MINDY4: variants seen among roughly 807,000 people sequenced by gnomAD.
MINDY4 encodes the protein MINDY lysine 48 deubiquitinase 4.
Under a neutral mutation model 87.0 loss-of-function variants are expected in MINDY4, and 68 were observed. That is an observed-to-expected ratio of 0.78 (90% CI 0.64 to 0.96). MINDY4 has a LOEUF of 0.96. Ranked by LOEUF, MINDY4 falls within the 40% of genes least tolerant of loss-of-function variation. The pLI is 0.00. For synonymous variants in MINDY4, 379 were observed against 363.2 expected (o/e 1.04, Z -0.50); for missense variants, 919 against 928.2 (o/e 0.99, Z 0.13).
In MINDY4 at chr7:30,882,317, A is replaced by G. The variant is rs563787573; in HGVS notation, c.2108A>G (p.Tyr703Cys). 1.1e-5 allele frequency: 18 copies of G among 1,611,148 alleles called. No individual in the cohort carries two copies. Among genetic ancestry groups the G allele is most frequent in the Non-Finnish European group, 1.4e-5 (17 of 1,177,690 alleles). The change falls in exon 16 of 18, where the codon TAC becomes TGC. Residue 703 changes from tyrosine (Y) to cysteine (C), a missense_variant. Transcript: ENST00000265299. Reference protein sequence around the residue: ...RTERLFDLYYYDGLANQQEQI... With the variant: ...RTERLFDLYYCDGLANQQEQI... ...GAGAGGCTCTTTGACTTGTACTACT[A>G]CGATGGCCTGGCCAACCAGCAGGAG...
At chr7:30,870,993 C>T (rs1220459603) in intron 13 of MINDY4, among the ~76,000 whole-genome samples, 1 of 151,180 alleles carries the variant, frequency 6.6e-6, no homozygotes, top group Non-Finnish European at 1.5e-5. Flanking sequence ...GTGTGCCCCC[C>T]AGGGTCCAGT....
In MINDY4 at chr7:30,836,710, A is replaced by G. The variant is rs760664202; in HGVS notation, c.1185A>G (p.Pro395=). ...AAGAGGTCATCCTGTCGCCAGTCCC[A>G]TCAGTGCTCAAGTTGCAGACAGCAT... ...IREEVILSPV[P]SVLKLQTASK... is the part of the protein sequence containing the mutation. The change falls in exon 7 of 18, where the codon CCA becomes CCG. Residue 395 remains proline (P), a synonymous_variant. Transcript: ENST00000265299. 2.3e-5 allele frequency: 37 copies of G among 1,614,082 alleles called. No individual in the cohort carries two copies. In the African/African-American group the frequency reaches 3.5e-4, roughly 15 times the overall value.
intron 6 of MINDY4, among the ~76,000 whole-genome samples, chr7:30,832,717 C>T (rs929044693): frequency 3.9e-5 from 6 of 152,130 alleles, no homozygotes; most frequent in Non-Finnish European, 8.8e-5. Flanking sequence ...GCCATGTTGG[C>T]CAGGCTGCTC....
At chr7:30,781,362 T>C (rs1358737675) in intron 2 of MINDY4, 2 of 152,288 alleles carry the variant, frequency 1.3e-5, no homozygotes, top group African/African-American at 4.8e-5. Flanking sequence ...ATATTTGATA[T>C]AGGCAAGGAT....
At chr7:30,788,136 A>G (rs62446933) in intron 4 of MINDY4, among the ~76,000 whole-genome samples, 10,875 of 152,286 alleles carry the variant, frequency 0.071, 510 homozygotes, top group Middle Eastern at 0.13. Context: ...GTGCGTTGCA[A>G]TATGGTGTTT....
chr7:30,860,318 T>G (rs1379009020), intron 13 of MINDY4, among the ~76,000 whole-genome samples: 3 of 152,084 alleles, frequency 2.0e-5, no homozygotes, highest in Non-Finnish European at 4.4e-5. Flanking sequence ...GGGAGGACAG[T>G]GGGGGCTCTG....
chr7:30,846,652 C>G (rs557173659), intron 9 of MINDY4, among the ~76,000 whole-genome samples: 1 of 152,174 alleles, frequency 6.6e-6, no homozygotes, highest in Non-Finnish European at 1.5e-5. Flanking sequence ...TGCAGGTTCT[C>G]ACGCAGGCAC....
chr7:30,864,723 C>A (rs1042911422), intron 13 of MINDY4, among the ~76,000 whole-genome samples: 8 of 152,206 alleles, frequency 5.3e-5, no homozygotes, highest in African/African-American at 1.9e-4. Flanking sequence ...CCAGAGAAGG[C>A]CACCACATCT....
At chr7:30,813,539 A>G (rs1788068052) in intron 5 of MINDY4, among the ~76,000 whole-genome samples, 1 of 152,198 alleles carries the variant, frequency 6.6e-6, no homozygotes, top group African/African-American at 2.4e-5. Context: ...ACCTCAGCAG[A>G]GGCAAGAGGC....
At chr7:30,834,591 T>G (rs941267201) in intron 6 of MINDY4, among the ~76,000 whole-genome samples, 1 of 152,268 alleles carries the variant, frequency 6.6e-6, no homozygotes, top group Non-Finnish European at 1.5e-5. Context: ...TGGCTACTTA[T>G]GCAAATTTCT....
At chr7:30,878,220 A>T (rs1790339357) in intron 15 of MINDY4, among the ~76,000 whole-genome samples, 1 of 151,908 alleles carries the variant, frequency 6.6e-6, no homozygotes, top group Non-Finnish European at 1.5e-5. Context: ...CGCAGCGTTC[A>T]CTCACTAGCA....
At chr7:30,876,260 C>T (rs1790254436) in intron 15 of MINDY4, among the ~76,000 whole-genome samples, 1 of 152,174 alleles carries the variant, frequency 6.6e-6, no homozygotes, top group Non-Finnish European at 1.5e-5. Flanking sequence ...TCCATCATCA[C>T]AGGGCCACCT....
At chr7:30,847,977 C>T (rs1181654372) in intron 9 of MINDY4, among the ~76,000 whole-genome samples, 1 of 152,206 alleles carries the variant, frequency 6.6e-6, no homozygotes, top group Non-Finnish European at 1.5e-5. Flanking sequence ...AAGCGATCCT[C>T]CCACCTGGGG....
At chr7:30,880,932 C>G (rs372147358) in intron 15 of MINDY4, among the ~76,000 whole-genome samples, 43 of 152,296 alleles carry the variant, frequency 2.8e-4, no homozygotes, top group African/African-American at 9.1e-4. Context: ...AGAGCACAGC[C>G]CCTCTGTCAG....
At chr7:30,797,747 G>A (rs980603371) in intron 5 of MINDY4, among the ~76,000 whole-genome samples, 2 of 152,158 alleles carry the variant, frequency 1.3e-5, no homozygotes, top group Non-Finnish European at 2.9e-5. Context: ...TCTGGCTGCT[G>A]TGTTGAATAG....
chr7:30,781,294 G>GTAGTACTGACACTTGC (rs1188722378), intron 2 of MINDY4: 2 of 152,276 alleles, frequency 1.3e-5, no homozygotes, highest in Non-Finnish European at 2.9e-5. Context: ...TGCTGTTGTG[G>GTAGTACTGACACTTGC]TGTAGTAAGT....
Position 30,853,379 on chromosome 7 carries a change from T to A in MINDY4, c.1612-15T>A, listed in dbSNP as rs767530316. ...GGGCTTGGGCCACTCATCCTGAGTGTTTGTGTCTTCTCAGCTTACGCTTCA... is the reference window on the plus strand; with the variant it reads ...GGGCTTGGGCCACTCATCCTGAGTGATTGTGTCTTCTCAGCTTACGCTTCA... On this transcript the variant is annotated splice_polypyrimidine_tract_variant and intron_variant, in intron 11 of 17. Transcript: ENST00000265299. 3 of 1,611,830 alleles carry A rather than the reference T, an allele frequency of 1.9e-6. No homozygotes were observed. The highest frequency in any genetic ancestry group is 2.5e-6 in the Non-Finnish European group (3 of 1,178,660).
At chr7:30,814,841 G>A (rs1788101551) in intron 5 of MINDY4, among the ~76,000 whole-genome samples, 1 of 152,192 alleles carries the variant, frequency 6.6e-6, no homozygotes, top group South Asian at 2.1e-4. Flanking sequence ...ATGGCTATGA[G>A]GTCAACCTTG....
At chr7:30,772,151 G>C (rs764742865) in intron 1 of MINDY4, among the ~76,000 whole-genome samples, 4 of 152,164 alleles carry the variant, frequency 2.6e-5, no homozygotes, top group Non-Finnish European at 5.9e-5. Context: ...CCTCAGGGTG[G>C]AGATGGGGAC....
Sources: gnomAD v4.1 joint callset for allele counts (sites outside exome capture counted in the v4.1 genomes callset) on GRCh38, gnomAD v4.1.1 for gene constraint, MANE v1.5 for transcripts, NCBI Gene and HGNC (gene_info 2026-07-23, HGNC 2026-07-21) for gene names.